The following RGS5 variants were observed in gnomAD, a reference collection of about 807,000 sequenced individuals.
The protein encoded by RGS5 is regulator of G-protein signalling 5.
Under a neutral mutation model 18.9 loss-of-function variants are expected in RGS5, and 20 were observed. The observed-to-expected ratio is 1.06, with a 90% confidence interval of 0.74 to 1.54. RGS5 has a LOEUF of 1.54. Ranked by LOEUF, RGS5 falls within the 40% of genes most tolerant of loss-of-function variation. The pLI is 0.00. For synonymous variants in RGS5, 57 were observed against 76.2 expected (o/e 0.75, Z 1.31); for missense variants, 201 against 211.8 (o/e 0.95, Z 0.32).
intron 2 of RGS5, among the ~76,000 whole-genome samples, chr1:163,270,991 G>GTC (rs1307009405): frequency 6.6e-6 from 1 of 152,100 alleles, no homozygotes; most frequent in African/African-American, 2.4e-5. Context: ...TTTATCCACT[G>GTC]TAAGTATACA....
At position 163,308,607 on chromosome 1, in the gene RGS5, T is replaced by G. The variant is rs1055235163; in HGVS notation, c.-377-2278A>C. On this transcript the variant is annotated intron_variant, in intron 1 of 5. Transcript: ENST00000618415. ...TTCATCAGGAACCAAAACAGGTCAATGGATTGAGCCATGCCAATAGTTCAC... is the reference window on the plus strand; with the variant it reads ...TTCATCAGGAACCAAAACAGGTCAAGGGATTGAGCCATGCCAATAGTTCAC... The G allele has an allele frequency of 2.6e-5, 4 of 152,198 alleles. No individual in the cohort carries two copies. The East Asian group carries it at 7.7e-4, about 29-fold the overall frequency. The allele number at this position is 152,198 out of a possible 1,614,324, so 9.4% of individuals were successfully genotyped here.
chr1:163,188,798 A>C (rs1470135486), intron 1 of RGS5, among the ~76,000 whole-genome samples: 4 of 150,980 alleles, frequency 2.6e-5, no homozygotes, highest in Non-Finnish European at 1.5e-5. Flanking sequence ...TCTCTACTAA[A>C]AATACAAAAA....
chr1:163,280,369 G>T (rs74696436), intron 2 of RGS5, among the ~76,000 whole-genome samples: 1 of 151,952 alleles, frequency 6.6e-6, no homozygotes, highest in African/African-American at 2.4e-5. Context: ...GCAATTCAAT[G>T]AATGTGATAA....
chr1:163,318,027 GA>G (rs1650073026), intron 1 of RGS5, among the ~76,000 whole-genome samples: 1 of 152,114 alleles, frequency 6.6e-6, no homozygotes, highest in Non-Finnish European at 1.5e-5. Context: ...AAAGCAGAGA[GA>G]AAAGTCAACT....
chr1:163,186,442 T>G (rs1334034726), intron 1 of RGS5, among the ~76,000 whole-genome samples: 2 of 151,362 alleles, frequency 1.3e-5, no homozygotes, highest in Admixed American at 6.6e-5. Context: ...AATAAATATC[T>G]TAAAAGCAAA....
chr1:163,286,266 T>C (rs1649144957), intron 2 of RGS5, among the ~76,000 whole-genome samples: 1 of 152,172 alleles, frequency 6.6e-6, no homozygotes, highest in African/African-American at 2.4e-5. Flanking sequence ...GCATAGGTTA[T>C]GTGTAAATAC....
In RGS5 at chr1:163,168,336, A is replaced by C. The variant is rs1658146767; in HGVS notation, c.77T>G (p.Leu26Arg). The C allele has an allele frequency of 2.5e-6, 4 of 1,613,916 alleles. No individual in the cohort carries two copies. The highest frequency in any genetic ancestry group is 2.5e-6 in the Non-Finnish European group (3 of 1,179,804). The part of the protein sequence containing the change: ...AKEIKIKLGI[L>R]LQKPDSVGDL... ...ACCAACTGAGTCTGGCTTCTGGAGGAGAATTCCCAACTTGATCTTAATCTC... is the reference window on the plus strand; with the variant it reads ...ACCAACTGAGTCTGGCTTCTGGAGGCGAATTCCCAACTTGATCTTAATCTC... The change falls in exon 2 of 5, where the codon CTC (leucine) becomes CGC (arginine). Residue 26 changes from leucine to arginine, a missense_variant. Coordinates refer to ENST00000313961, the MANE Select transcript of RGS5 (RefSeq NM_003617.4).
chr1:163,204,392 G>C (rs767118088), upstream of RGS5, among the ~76,000 whole-genome samples: 112 of 151,848 alleles, frequency 7.4e-4, 1 homozygote, highest in Non-Finnish European at 2.8e-4. Context: ...ACCCAGACCA[G>C]AGACTGGAGT....
Position 163,272,043 on chromosome 1 carries a change from T to C in RGS5, c.-281+34190A>G. ...CTTCCTCTCTCTCTGTCTCCCTCTC[T>C]CTCTCTTTTTCTTTTTTTCTTAGGT... On this transcript the variant is annotated intron_variant, in intron 2 of 5. Transcript: ENST00000618415. Among the ~76,000 whole-genome samples, 5 of 152,046 alleles carry C rather than the reference T, an allele frequency of 3.3e-5. 1 individual carries two copies. The South Asian group carries it at 1.0e-3, about 32-fold the overall frequency.
intron 2 of RGS5, among the ~76,000 whole-genome samples, chr1:163,282,806 T>C (rs932340951): frequency 2.0e-5 from 3 of 152,080 alleles, no homozygotes; most frequent in Non-Finnish European, 2.9e-5. Flanking sequence ...GGAAAGGAAA[T>C]TAGTATATCA....
At chr1:163,204,185 A>G (rs1207477231), upstream of RGS5, among the ~76,000 whole-genome samples, 1 of 152,160 alleles carries the variant, frequency 6.6e-6, no homozygotes, top group Non-Finnish European at 1.5e-5. Context: ...TCGGATGTAA[A>G]AAGTATTGTT....
rs1657118336 is a variant in RGS5 at position 163,146,163 on chromosome 1, G to C, written c.*1179C>G. ...TGAGACACGTCAGGAGTATAAATCT[G>C]CACTTTTGACTGTAAGTAAAATTTG... is the stretch of plus-strand genomic sequence containing the variant. On this transcript the variant is annotated 3_prime_UTR_variant, in exon 5 of 5. Transcript: ENST00000313961. The C allele has an allele frequency of 6.6e-6, 1 of 151,778 alleles. No individual in the cohort carries two copies. The highest frequency in any genetic ancestry group is 2.1e-4 in the South Asian group (1 of 4,814). The allele number at this position is 151,778 out of a possible 1,614,324, so 9.4% of individuals were successfully genotyped here. A position where few individuals can be genotyped will look rare whatever the true frequency, so the allele number is the denominator to read the frequency against.
intron 2 of RGS5, among the ~76,000 whole-genome samples, chr1:163,292,561 ATT>A (rs923350274): frequency 3.3e-5 from 5 of 152,184 alleles, no homozygotes; most frequent in Non-Finnish European, 5.9e-5. Context: ...GTCAAATGGT[ATT>A]TATGCCTCTA....
intron 2 of RGS5, among the ~76,000 whole-genome samples, chr1:163,280,631 A>C (rs1648968689): frequency 6.6e-6 from 1 of 152,148 alleles, no homozygotes; most frequent in Non-Finnish European, 1.5e-5. Flanking sequence ...AAAAGTAAAA[A>C]AAACTTCCCA....
intron 2 of RGS5, among the ~76,000 whole-genome samples, chr1:163,284,750 T>C (rs1046832715): frequency 1.3e-5 from 2 of 151,990 alleles, no homozygotes; most frequent in African/African-American, 4.8e-5. Context: ...CCTCTTACCC[T>C]CTCCAGCTCC....
chr1:163,195,213 T>C (rs1343432359), intron 1 of RGS5, among the ~76,000 whole-genome samples: 2 of 152,146 alleles, frequency 1.3e-5, no homozygotes, highest in Admixed American at 6.6e-5. Context: ...AGTGAGTGGA[T>C]AAAGACAATG....
At chr1:163,294,315 C>T (rs1389472318) in intron 2 of RGS5, among the ~76,000 whole-genome samples, 1 of 152,262 alleles carries the variant, frequency 6.6e-6, no homozygotes, top group East Asian at 1.9e-4. Flanking sequence ...CAAAGCTCAG[C>T]TCTTGTCTTC....
intron 2 of RGS5, among the ~76,000 whole-genome samples, chr1:163,226,343 G>A (rs1018587826): frequency 4.6e-4 from 70 of 152,152 alleles, no homozygotes; most frequent in African/African-American, 1.7e-3. Flanking sequence ...TTATCACTAG[G>A]GTAGAAACTG....
intron 2 of RGS5, chr1:163,300,427 C>T (rs1046613568): frequency 2.6e-5 from 4 of 152,216 alleles, no homozygotes; most frequent in African/African-American, 4.8e-5. Context: ...TCACTTTCTC[C>T]ATCTTACTTT....
Sources: gnomAD v4.1 joint callset for allele counts (sites outside exome capture counted in the v4.1 genomes callset) on GRCh38, gnomAD v4.1.1 for gene constraint, MANE v1.5 for transcripts, NCBI Gene and HGNC (gene_info 2026-07-23, HGNC 2026-07-21) for gene names.